The following MEIS2 variants were observed in gnomAD, a reference collection of about 807,000 sequenced individuals.
MEIS2 encodes the protein homeobox protein Meis2.
Under a neutral mutation model 58.6 loss-of-function variants are expected in MEIS2, and 9 were observed. The observed-to-expected ratio is 0.15, with a 90% CI of 0.09 to 0.27. MEIS2 has a LOEUF of 0.27. Among genes scored for constraint, MEIS2 ranks in the 10% least tolerant of loss-of-function variants. The probability of loss-of-function intolerance (pLI) is 1.00; values close to 1 mark genes in which losing one functional copy is unlikely to be tolerated. For synonymous variants in MEIS2, 221 were observed against 228.4 expected, an observed-to-expected ratio of 0.97 and a Z score of 0.29; for missense variants, 427 against 635.0, an observed-to-expected ratio of 0.67 and a Z score of 3.52.
At chr15:37,009,275 C>A (rs1255105017) in intron 8 of MEIS2, among the ~76,000 whole-genome samples, 6 of 151,594 alleles carry the variant, frequency 4.0e-5, no homozygotes, top group Non-Finnish European at 7.4e-5. Flanking sequence ...GGCGACAGAG[C>A]GAGACTCCGT....
chr15:36,977,951 G>T (rs928326148), intron 8 of MEIS2, among the ~76,000 whole-genome samples: 1 of 152,078 alleles, frequency 6.6e-6, no homozygotes, highest in Non-Finnish European at 1.5e-5. Flanking sequence ...CCCTGCTTAG[G>T]ATCTAAAATT....
At chr15:37,097,823 G>A (rs1894475003) in intron 2 of MEIS2, 144 bp downstream of exon 2, 2 of 1,242,142 alleles carry the variant, frequency 1.6e-6, no homozygotes, top group South Asian at 1.8e-5. Flanking sequence ...CCCCCTCCAC[G>A]GTCCCTTCCT....
At chr15:37,008,103 C>A (rs1162046407) in intron 8 of MEIS2, among the ~76,000 whole-genome samples, 1 of 152,036 alleles carries the variant, frequency 6.6e-6, no homozygotes, top group Non-Finnish European at 1.5e-5. Flanking sequence ...TATAGCCGGT[C>A]AATGAAAGAA....
At chr15:36,894,165 TA>T (rs1212684019) in intron 11 of MEIS2, among the ~76,000 whole-genome samples, 1 of 152,128 alleles carries the variant, frequency 6.6e-6, no homozygotes, top group Non-Finnish European at 1.5e-5. Context: ...TAGGCACATG[TA>T]AAAAATAATC....
chr15:37,100,563 C>CGGCTGGGGGGGTGGGGGA (rs1894980837), upstream of MEIS2: 1 of 14,574 alleles, frequency 6.9e-5, no homozygotes, highest in Admixed American at 8.9e-4. Context: ...CGGACAGCCC[C>CGGCTGGGGGGGTGGGGGA]GGCTGGGGGG....
intron 9 of MEIS2, among the ~76,000 whole-genome samples, chr15:36,931,643 A>G (rs764243451): frequency 6.6e-5 from 10 of 152,180 alleles, no homozygotes; most frequent in Non-Finnish European, 1.5e-4. Context: ...AAAAATGCAT[A>G]TGGGGTTGGG....
intron 7 of MEIS2, among the ~76,000 whole-genome samples, chr15:37,038,689 T>C (rs1173357233): frequency 2.6e-5 from 4 of 152,228 alleles, no homozygotes; most frequent in Non-Finnish European, 5.9e-5. Context: ...GGACCCCATA[T>C]AGTCAAAGAC....
At chr15:36,935,207 G>A (rs903700298) in intron 9 of MEIS2, among the ~76,000 whole-genome samples, 9 of 149,406 alleles carry the variant, frequency 6.0e-5, no homozygotes, top group African/African-American at 1.7e-4. Flanking sequence ...TTTTTTTAGC[G>A]GAGGAGAAAT....
chr15:36,947,004 C>T (rs1345507877), intron 9 of MEIS2, among the ~76,000 whole-genome samples: 1 of 152,004 alleles, frequency 6.6e-6, no homozygotes, highest in African/African-American at 2.4e-5. Context: ...TCTCTCCTAA[C>T]GCGTGTACTT....
chr15:37,031,969 G>C (rs941743233), intron 8 of MEIS2, among the ~76,000 whole-genome samples: 2 of 151,898 alleles, frequency 1.3e-5, no homozygotes, highest in African/African-American at 4.8e-5. Flanking sequence ...CTACTGAGTA[G>C]CAGGGACCAC....
chr15:36,900,154 T>C (rs1293556024), intron 9 of MEIS2, among the ~76,000 whole-genome samples: 1 of 152,232 alleles, frequency 6.6e-6, no homozygotes, highest in Non-Finnish European at 1.5e-5. Flanking sequence ...TTACAAAGTC[T>C]TCTTCAATAT....
At position 36,915,129 on chromosome 15, in the gene MEIS2, T is replaced by C. The variant is rs75330141; in HGVS notation, c.978-18443A>G. Reference sequence around the variant, plus strand: ...TGATAAGGGGTTGGCACAAATATACTGAGCCTAGTTTACAATTTGTTTTGC... The same window carrying C: ...TGATAAGGGGTTGGCACAAATATACCGAGCCTAGTTTACAATTTGTTTTGC... On this transcript the variant is annotated intron_variant, in intron 9 of 11. Coordinates refer to ENST00000561208, the MANE Select transcript of MEIS2 (RefSeq NM_170675.5). Among the ~76,000 whole-genome samples the C allele has an allele frequency of 6.2e-3, 937 of 151,994 alleles. 10 individuals are homozygous for C. Among genetic ancestry groups the C allele is most frequent in the African/African-American group, 0.022 (904 of 41,418 alleles).
intron 8 of MEIS2, among the ~76,000 whole-genome samples, chr15:37,024,581 G>C (rs149855908): frequency 6.6e-6 from 1 of 152,050 alleles, no homozygotes; most frequent in Non-Finnish European, 1.5e-5. Context: ...CTGTGCTTTC[G>C]TCTAACTGAG....
chr15:36,922,865 C>T (rs2057576951), intron 9 of MEIS2, among the ~76,000 whole-genome samples: 1 of 151,984 alleles, frequency 6.6e-6, no homozygotes, highest in Admixed American at 6.6e-5. Context: ...ATCTGCCTGC[C>T]TTGGCCTCCC....
At chr15:36,931,296 C>A (rs77299869) in intron 9 of MEIS2, among the ~76,000 whole-genome samples, 36 of 152,134 alleles carry the variant, frequency 2.4e-4, no homozygotes. Context: ...CTGTTTTGTA[C>A]AGAATAGCAC....
chr15:37,049,020 TGCTA>T (rs2062796941), intron 7 of MEIS2, among the ~76,000 whole-genome samples: 1 of 152,214 alleles, frequency 6.6e-6, no homozygotes, highest in Non-Finnish European at 1.5e-5. Context: ...TAAATTAAAT[TGCTA>T]GCACTTTAAA....
At chr15:37,037,925 A>G (rs1263848760) in intron 7 of MEIS2, among the ~76,000 whole-genome samples, 1 of 152,228 alleles carries the variant, frequency 6.6e-6, no homozygotes, top group Non-Finnish European at 1.5e-5. Context: ...GCATAATCAA[A>G]TGCAAAATAA....
intron 7 of MEIS2, among the ~76,000 whole-genome samples, chr15:37,042,049 A>C (rs879821122): frequency 3.3e-5 from 5 of 151,958 alleles, no homozygotes; most frequent in Non-Finnish European, 7.4e-5. Flanking sequence ...AGCACCGCAG[A>C]TTGAGGTGGG....
At chr15:37,095,503 G>C in intron 4 of MEIS2, 61 bp downstream of exon 4, 1 of 1,610,768 alleles carries the variant, frequency 6.2e-7, no homozygotes, top group Non-Finnish European at 8.5e-7. Context: ...GCAGAAAGTG[G>C]GTGCTTCTGG....
Sources: allele counts gnomAD v4.1 joint callset (sites outside exome capture counted in the v4.1 genomes callset), GRCh38; gene constraint gnomAD v4.1.1; transcripts MANE v1.5; gene names NCBI Gene and HGNC (gene_info 2026-07-23, HGNC 2026-07-21).